The following ADAMTS16 variants were observed in gnomAD, a reference collection of about 807,000 sequenced individuals.
The protein encoded by ADAMTS16 is A disintegrin and metalloproteinase with thrombospondin motifs 16.
In ADAMTS16, 94 loss-of-function variants were observed where a neutral mutation model predicts 145.8. The ratio of observed to expected loss-of-function variants is 0.64; its 90% CI spans 0.55 to 0.77. The LOEUF (loss-of-function observed/expected upper bound fraction) is 0.77. ADAMTS16 is among the 30% of genes least tolerant of loss of function. The pLI is 0.00. For missense variants in ADAMTS16, 1,585 were observed against 1,591.5 expected (o/e 1.00, Z 0.07); for synonymous variants, 659 against 604.3 (o/e 1.09, Z -1.33).
chr5:5,182,868 G>A (rs185432711), intron 4 of ADAMTS16, among the ~76,000 whole-genome samples: 1 of 152,174 alleles, frequency 6.6e-6, no homozygotes, highest in Admixed American at 6.5e-5. Context: ...ATTGAAGTTG[G>A]GTGCTTTCTG....
intron 3 of ADAMTS16, among the ~76,000 whole-genome samples, chr5:5,149,084 C>T (rs1455873757): frequency 6.6e-6 from 1 of 152,152 alleles, no homozygotes; most frequent in Non-Finnish European, 1.5e-5. Context: ...TGTAACACTA[C>T]CTATAAATGT....
intron 17 of ADAMTS16, among the ~76,000 whole-genome samples, chr5:5,253,342 G>T (rs1248789399): frequency 6.6e-6 from 1 of 152,194 alleles, no homozygotes; most frequent in Non-Finnish European, 1.5e-5. Context: ...GAGCTTCCAG[G>T]TTACAAGTAG....
intron 17 of ADAMTS16, among the ~76,000 whole-genome samples, chr5:5,257,688 C>CTAACA (rs1224506564): frequency 6.6e-6 from 1 of 152,196 alleles, no homozygotes; most frequent in East Asian, 1.9e-4. Flanking sequence ...TTTTTCCACA[C>CTAACA]TAACAACCAG....
At chr5:5,194,104 A>G (rs1332323177) in intron 8 of ADAMTS16, among the ~76,000 whole-genome samples, 1 of 152,064 alleles carries the variant, frequency 6.6e-6, no homozygotes, top group Non-Finnish European at 1.5e-5. Context: ...CCTGTATAAA[A>G]AAAAAATAAA....
chr5:5,208,644 T>C (rs762533483), intron 9 of ADAMTS16, among the ~76,000 whole-genome samples: 9 of 152,128 alleles, frequency 5.9e-5, no homozygotes, highest in Non-Finnish European at 1.2e-4. Flanking sequence ...TCCCCTAGCC[T>C]AGAGGGAAAA....
chr5:5,168,592 AT>A (rs1688656075), intron 3 of ADAMTS16, among the ~76,000 whole-genome samples: 3 of 73,386 alleles, frequency 4.1e-5, no homozygotes, highest in Non-Finnish European at 5.7e-5. Flanking sequence ...ATTATATTAT[AT>A]ATAATATATA....
chr5:5,174,480 G>GGTTTTTCTTTA (rs1735135433), intron 3 of ADAMTS16, among the ~76,000 whole-genome samples: 1 of 151,596 alleles, frequency 6.6e-6, no homozygotes, highest in Non-Finnish European at 1.5e-5. Context: ...CTTGTACTTG[G>GGTTTTTCTTTA]GTTTTGATAT....
rs118047055 is a variant in ADAMTS16, at chr5:5,251,519, A to G, written c.2662+9328A>G. Reference sequence around the variant, plus strand: ...AGTGTTTCAAATGGGGTGGTTTCTAAAAGTCTAAAACCTTTTCTGTTGGGA... The same window carrying G: ...AGTGTTTCAAATGGGGTGGTTTCTAGAAGTCTAAAACCTTTTCTGTTGGGA... On this transcript the variant is annotated intron_variant, in intron 17 of 22. Coordinates refer to ENST00000274181, the MANE Select transcript of ADAMTS16 (RefSeq NM_139056.4). 2.6e-5 allele frequency among the ~76,000 whole-genome samples: 4 copies of G among 152,352 alleles called. No individual in the cohort carries two copies. The East Asian group carries it at 7.7e-4, about 29-fold the overall frequency.
At chr5:5,161,045 C>T (rs974956978) in intron 3 of ADAMTS16, among the ~76,000 whole-genome samples, 15 of 152,192 alleles carry the variant, frequency 9.9e-5, no homozygotes, top group African/African-American at 3.6e-4. Flanking sequence ...TGAGTGTCAG[C>T]TTTCAGTTAC....
intron 11 of ADAMTS16, among the ~76,000 whole-genome samples, chr5:5,227,654 A>C (rs1736809461): frequency 6.6e-6 from 1 of 152,182 alleles, no homozygotes; most frequent in South Asian, 2.1e-4. Flanking sequence ...AAAGTAGGAA[A>C]ATCATTTAAG....
intron 3 of ADAMTS16, among the ~76,000 whole-genome samples, chr5:5,174,678 C>A (rs1735141578): frequency 6.6e-6 from 1 of 152,112 alleles, no homozygotes. Context: ...TTCAAATAGC[C>A]TGTCTTCAAG....
intron 18 of ADAMTS16, among the ~76,000 whole-genome samples, chr5:5,265,985 AGTGTGTGTGTGTGT>A (rs71604122): frequency 0.027 from 3,820 of 141,454 alleles, 50 homozygotes; most frequent in Middle Eastern, 0.039. Context: ...GACTTAAAGA[AGTGTGTGTGTGTGT>A]GTGTGTGTGT....
chr5:5,230,126 G>T (rs1289094850), intron 11 of ADAMTS16, among the ~76,000 whole-genome samples: 1 of 152,130 alleles, frequency 6.6e-6, no homozygotes, highest in Non-Finnish European at 1.5e-5. Context: ...CCCAGGGGAC[G>T]TGTTCAATGG....
At chr5:5,224,436 C>T (rs1170978553) in intron 11 of ADAMTS16, among the ~76,000 whole-genome samples, 1 of 152,042 alleles carries the variant, frequency 6.6e-6, no homozygotes, top group Non-Finnish European at 1.5e-5. Flanking sequence ...ATTATAGGCG[C>T]CCGCCACCAC....
At chr5:5,163,878 C>T (rs1177688605) in intron 3 of ADAMTS16, among the ~76,000 whole-genome samples, 1 of 152,204 alleles carries the variant, frequency 6.6e-6, no homozygotes, top group Non-Finnish European at 1.5e-5. Context: ...GTCCTGCTCC[C>T]TGACTGCAGG....
At chr5:5,251,554 C>T (rs529614005) in intron 17 of ADAMTS16, among the ~76,000 whole-genome samples, 62 of 152,198 alleles carry the variant, frequency 4.1e-4, no homozygotes, top group Non-Finnish European at 8.2e-4. Context: ...AAAACCCTGA[C>T]TACAAATATG....
chr5:5,148,072 G>A (rs1287892462), intron 3 of ADAMTS16, among the ~76,000 whole-genome samples: 1 of 151,446 alleles, frequency 6.6e-6, no homozygotes, highest in Non-Finnish European at 1.5e-5. Flanking sequence ...TATAATGAAA[G>A]ATAAAGAAAT....
chr5:5,286,084 A>T (rs147716357), intron 18 of ADAMTS16, among the ~76,000 whole-genome samples: 48 of 152,338 alleles, frequency 3.2e-4, no homozygotes, highest in African/African-American at 1.1e-3. Flanking sequence ...GGAATGAATC[A>T]TTATAAATGC....
At chr5:5,202,146 G>C (rs1179953109) in intron 9 of ADAMTS16, among the ~76,000 whole-genome samples, 1 of 152,076 alleles carries the variant, frequency 6.6e-6, no homozygotes, top group Non-Finnish European at 1.5e-5. Flanking sequence ...AGGGATCCTG[G>C]CTTCCCATCT....
Sources: gnomAD v4.1 joint callset for allele counts (sites outside exome capture counted in the v4.1 genomes callset) on GRCh38, gnomAD v4.1.1 for gene constraint, MANE v1.5 for transcripts, NCBI Gene and HGNC (gene_info 2026-07-23, HGNC 2026-07-21) for gene names.